Variants in GPT2 observed in about 807,000 individuals in gnomAD.
The protein encoded by GPT2 is alanine aminotransferase 2.
Under a neutral mutation model 56.9 loss-of-function variants are expected in GPT2, and 30 were observed. That is an observed-to-expected ratio of 0.53 (90% CI 0.39 to 0.72). The LOEUF (loss-of-function observed/expected upper bound fraction) is 0.72. Among genes scored for constraint, GPT2 ranks in the 30% least tolerant of loss-of-function variants. The pLI, the probability that GPT2 is intolerant of heterozygous loss-of-function variation, is 0.00. For missense variants in GPT2, 542 were observed against 703.4 expected (o/e 0.77, Z 2.60); for synonymous variants, 271 against 283.1 (o/e 0.96, Z 0.43).
chr16:46,892,162 C>T (rs530240279), intron 2 of GPT2, among the ~76,000 whole-genome samples: 1 of 152,304 alleles, frequency 6.6e-6, no homozygotes, highest in East Asian at 1.9e-4. Context: ...TTAGATTCCA[C>T]ATATGAGTGA....
intron 2 of GPT2, among the ~76,000 whole-genome samples, chr16:46,895,657 T>TGG (rs1460302736): frequency 6.6e-6 from 1 of 152,158 alleles, no homozygotes; most frequent in East Asian, 1.9e-4. Flanking sequence ...CCCCAGTAGC[T>TGG]GGGGCTATAG....
At chr16:46,910,478 C>T (rs1961028404) in intron 6 of GPT2, among the ~76,000 whole-genome samples, 1 of 151,196 alleles carries the variant, frequency 6.6e-6, no homozygotes, top group Admixed American at 6.6e-5. Flanking sequence ...TCGCTTGAAC[C>T]CAGGAGGCAG....
intron 2 of GPT2, among the ~76,000 whole-genome samples, chr16:46,890,585 GA>G (rs1960567260): frequency 1.3e-5 from 2 of 152,190 alleles, no homozygotes; most frequent in South Asian, 4.1e-4. Context: ...CTTGCATAAG[GA>G]AACAGCCTTG....
At chr16:46,887,325 G>A (rs182501276) in intron 2 of GPT2, among the ~76,000 whole-genome samples, 6 of 152,212 alleles carry the variant, frequency 3.9e-5, no homozygotes, top group South Asian at 2.1e-4. Flanking sequence ...AAAATTAGCC[G>A]GGCATGGTGG....
chr16:46,922,602 C>T (rs1596633791), intron 9 of GPT2, among the ~76,000 whole-genome samples, 186 bp downstream of exon 9: 1 of 152,178 alleles, frequency 6.6e-6, no homozygotes, highest in African/African-American at 2.4e-5. Context: ...CGCAGCTGGG[C>T]ATTGTTTGGA....
chr16:46,914,784 C>T (rs894939525), intron 6 of GPT2, among the ~76,000 whole-genome samples: 1 of 152,178 alleles, frequency 6.6e-6, no homozygotes, highest in Non-Finnish European at 1.5e-5. Flanking sequence ...GGGTGCCTCT[C>T]TGGGGAGAAA....
intron 4 of GPT2, among the ~76,000 whole-genome samples, chr16:46,904,957 T>C (rs1423427823): frequency 1.3e-5 from 2 of 152,082 alleles, no homozygotes; most frequent in East Asian, 3.8e-4. Flanking sequence ...CGTTTGCCAG[T>C]TGGCACCTTA....
chr16:46,930,955 G>T lies in GPT2; in HGVS notation c.*1958G>T, dbSNP rs1332150117. On this transcript the variant is annotated 3_prime_UTR_variant, in exon 12 of 12. Coordinates refer to ENST00000340124, the MANE Select transcript of GPT2 (RefSeq NM_133443.4). ...TTGGTTTTCTACAGATTCTGTTCCG[G>T]TGCCTTTCCTATCCAGGCACCACCT... 29 of 152,620 alleles carry T rather than the reference G, an allele frequency of 1.9e-4. No homozygotes were observed. The highest frequency in any genetic ancestry group is 1.9e-3 in the Admixed American group (29 of 15,268). 9.5% of individuals were successfully genotyped at this position (152,620 alleles called of 1,614,324 possible).
chr16:46,918,708 A>G lies in GPT2; in HGVS notation c.988A>G (p.Asn330Asp). The G allele has an allele frequency of 6.2e-7, 1 of 1,614,166 alleles. No homozygotes were observed. The highest frequency in any genetic ancestry group is 8.5e-7 in the Non-Finnish European group (1 of 1,180,012). The change falls in exon 8 of 12, where the codon AAC becomes GAC. Residue 330 changes from asparagine to aspartate, a missense_variant. Physicochemically the swap from Asn to Asp is conservative, Grantham distance 23. Transcript: ENST00000340124. ...CGAGATGGGGCCCGAGTACTCCAGC[A>G]ACGTGGAGCTCGCCTCCTTCCACTC... ...LYEMGPEYSS[N>D]VELASFHSTS...
intron 9 of GPT2, 80 bp downstream of exon 9, chr16:46,922,496 C>T (rs1227453797): frequency 1.4e-6 from 2 of 1,389,926 alleles, no homozygotes; most frequent in Non-Finnish European, 1.9e-6. Flanking sequence ...AGCCTGTCTC[C>T]AGGTGGCCAG....
chr16:46,903,621 C>G (rs141942952), intron 4 of GPT2, among the ~76,000 whole-genome samples: 2 of 152,264 alleles, frequency 1.3e-5, no homozygotes, highest in African/African-American at 2.4e-5. Flanking sequence ...CATTTATGTT[C>G]TGTTTGACGA....
chr16:46,912,087 C>A (rs1172856490), intron 6 of GPT2, among the ~76,000 whole-genome samples: 4 of 152,114 alleles, frequency 2.6e-5, no homozygotes, highest in African/African-American at 9.7e-5. Context: ...AAATAGAAAC[C>A]CACCTGTGAT....
chr16:46,892,534 A>G (rs539160761), intron 2 of GPT2, among the ~76,000 whole-genome samples: 1 of 152,274 alleles, frequency 6.6e-6, no homozygotes, highest in South Asian at 2.1e-4. Context: ...GGCTATACCA[A>G]TTTACATTCC....
chr16:46,900,269 G>A (rs1960790266), intron 3 of GPT2, among the ~76,000 whole-genome samples: 1 of 152,106 alleles, frequency 6.6e-6, no homozygotes, highest in Non-Finnish European at 1.5e-5. Flanking sequence ...GGGGCCTAGG[G>A]CGTTGAGGGA....
intron 2 of GPT2, among the ~76,000 whole-genome samples, chr16:46,892,531 C>G (rs773403401): frequency 6.6e-6 from 1 of 152,184 alleles, no homozygotes; most frequent in Non-Finnish European, 1.5e-5. Context: ...AATGGCTATA[C>G]CAATTTACAT....
intron 4 of GPT2, among the ~76,000 whole-genome samples, chr16:46,902,772 C>A (rs931397311): frequency 6.6e-6 from 1 of 152,054 alleles, no homozygotes; most frequent in East Asian, 2.0e-4. Context: ...ACTACAGGCA[C>A]GCGCCACCAC....
At position 46,930,218 on chromosome 16, in the gene GPT2, G is replaced by C. The variant is rs1365253757; in HGVS notation, c.*1221G>C. On this transcript the variant is annotated 3_prime_UTR_variant, in exon 12 of 12. Coordinates refer to ENST00000340124, the MANE Select transcript of GPT2 (RefSeq NM_133443.4). ...AGGAGGGTGCCATCCCCCAGCATGC[G>C]GCTTCTCTGCCATTAGCAGCCCTGG... 6.6e-6 allele frequency: 1 copy of C among 152,436 alleles called. No individual in the cohort carries two copies. The highest frequency in any genetic ancestry group is 1.5e-5 in the Non-Finnish European group (1 of 68,162). The allele number at this position is 152,436 out of a possible 1,614,324, so 9.4% of individuals were successfully genotyped here. A position where few individuals can be genotyped will look rare whatever the true frequency, so the allele number is the denominator to read the frequency against.
chr16:46,918,516 T>A, intron 7 of GPT2, 105 bp from the exon 8 acceptor site: 2 of 1,327,244 alleles, frequency 1.5e-6, no homozygotes, highest in Non-Finnish European at 2.1e-6. Flanking sequence ...CTGGGCCGGC[T>A]GGGCCTCATG....
At chr16:46,915,778 C>A in intron 6 of GPT2, 1 of 149,720 alleles carries the variant, frequency 6.7e-6, no homozygotes, top group Non-Finnish European at 1.5e-5. Context: ...TACACACACC[C>A]CACACACAGG....
Sources: gnomAD v4.1 joint callset for allele counts (sites outside exome capture counted in the v4.1 genomes callset) on GRCh38, gnomAD v4.1.1 for gene constraint, MANE v1.5 for transcripts, NCBI Gene and HGNC (gene_info 2026-07-23, HGNC 2026-07-21) for gene names.